The following SLC39A11 variants were observed in gnomAD, a reference collection of about 807,000 sequenced individuals.
SLC39A11 encodes solute carrier family 39 member 11.
A neutral mutation model predicts 36.1 loss-of-function variants in SLC39A11; 33 were observed. The ratio of observed to expected loss-of-function variants is 0.91; its 90% CI spans 0.69 to 1.22. The LOEUF is 1.22. Among genes scored for constraint, SLC39A11 ranks in the 50% most tolerant of loss-of-function variants. The pLI is 0.00. For synonymous variants in SLC39A11, 166 were observed against 170.3 expected, an observed-to-expected ratio of 0.97 and a Z score of 0.20; for missense variants, 432 against 430.3, an observed-to-expected ratio of 1.00 and a Z score of -0.03.
intron 5 of SLC39A11, among the ~76,000 whole-genome samples, chr17:72,858,636 T>G (rs554959234): frequency 3.3e-5 from 5 of 152,346 alleles, no homozygotes; most frequent in Non-Finnish European, 7.4e-5. Flanking sequence ...CATTTGTTTG[T>G]ATCATCTCTG....
intron 7 of SLC39A11, among the ~76,000 whole-genome samples, chr17:72,715,187 C>T (rs2073299433): frequency 6.6e-6 from 1 of 152,306 alleles, no homozygotes; most frequent in East Asian, 1.9e-4. Context: ...CCAGGAAGTA[C>T]CCCTCTGCCC....
intron 7 of SLC39A11, among the ~76,000 whole-genome samples, chr17:72,678,191 C>T (rs1311127824): frequency 2.0e-5 from 3 of 152,198 alleles, no homozygotes; most frequent in Non-Finnish European, 4.4e-5. Context: ...CTCACAAAAG[C>T]CCATTTAACT....
intron 7 of SLC39A11, among the ~76,000 whole-genome samples, chr17:72,650,997 G>GT (rs148289074): frequency 1.3e-4 from 19 of 151,846 alleles, no homozygotes; most frequent in African/African-American, 2.4e-4. Context: ...CCTTTACCCT[G>GT]TTTTTTTTAC....
chr17:73,073,310 A>C (rs557536274), intron 3 of SLC39A11, among the ~76,000 whole-genome samples: 1 of 152,356 alleles, frequency 6.6e-6, no homozygotes, highest in South Asian at 2.1e-4. Flanking sequence ...GTCAGAAGGC[A>C]GTGGGTGCCC....
chr17:72,980,332 A>G (rs758108438), intron 4 of SLC39A11, among the ~76,000 whole-genome samples: 7 of 152,212 alleles, frequency 4.6e-5, no homozygotes, highest in Non-Finnish European at 1.0e-4. Flanking sequence ...ATACCCAGGA[A>G]TACATTCAAC....
In SLC39A11 at chr17:72,701,131, G is replaced by A. The variant is rs533505850; in HGVS notation, c.671+35519C>T. Among the ~76,000 whole-genome samples, 6 of 152,356 alleles carry A rather than the reference G, an allele frequency of 3.9e-5. No homozygotes were observed. In the South Asian group the frequency reaches 1.2e-3, roughly 32 times the overall value. On this transcript the variant is annotated intron_variant, in intron 7 of 9. Transcript: ENST00000255559. ...CCCAGTGGCAGAGCTGGGAAACTTT[G>A]GAAGAACTGGTCTCATTTTGCAGTT...
At chr17:72,753,901 A>AC (rs1339452831) in intron 6 of SLC39A11, among the ~76,000 whole-genome samples, 2 of 149,562 alleles carry the variant, frequency 1.3e-5, no homozygotes, top group Admixed American at 6.6e-5. Flanking sequence ...AAAAAAAAAA[A>AC]AAAAAAAAAA....
intron 6 of SLC39A11, among the ~76,000 whole-genome samples, chr17:72,804,420 A>G (rs1005424034): frequency 1.3e-5 from 2 of 152,226 alleles, no homozygotes; most frequent in African/African-American, 4.8e-5. Flanking sequence ...TCCCCACCCA[A>G]GTAGAGAGTA....
chr17:72,759,221 T>A (rs780988079), intron 6 of SLC39A11, among the ~76,000 whole-genome samples: 5 of 151,940 alleles, frequency 3.3e-5, no homozygotes, highest in Non-Finnish European at 7.4e-5. Flanking sequence ...GATGATAGAC[T>A]ATATAAACCA....
chr17:73,035,023 G>A (rs566981540), intron 3 of SLC39A11, among the ~76,000 whole-genome samples: 87 of 152,204 alleles, frequency 5.7e-4, no homozygotes, highest in Non-Finnish European at 1.1e-3. Context: ...TTTTCCTTGT[G>A]AGCCTCCCTG....
intron 7 of SLC39A11, among the ~76,000 whole-genome samples, chr17:72,656,211 G>A (rs970269852): frequency 6.6e-5 from 10 of 152,188 alleles, no homozygotes; most frequent in African/African-American, 2.4e-4. Context: ...TCTGAAGACA[G>A]TGAAGCTGCT....
At chr17:72,855,646 C>G (rs1222702983) in intron 5 of SLC39A11, among the ~76,000 whole-genome samples, 4 of 152,198 alleles carry the variant, frequency 2.6e-5, no homozygotes, top group Non-Finnish European at 5.9e-5. Flanking sequence ...CCTGTAATCA[C>G]AGCACTTTGG....
chr17:73,064,856 T>A (rs2059951911), intron 3 of SLC39A11, among the ~76,000 whole-genome samples: 1 of 152,098 alleles, frequency 6.6e-6, no homozygotes, highest in South Asian at 2.1e-4. Context: ...CTGGTCTCCG[T>A]GCTTCTCTTC....
intron 5 of SLC39A11, among the ~76,000 whole-genome samples, chr17:72,873,889 T>TG (rs569921125): frequency 8.4e-4 from 128 of 152,256 alleles, no homozygotes; most frequent in Admixed American, 2.4e-3. Flanking sequence ...GTTTCCCCCA[T>TG]GCTATTCTCG....
chr17:73,056,174 T>G (rs1326985810), intron 3 of SLC39A11, among the ~76,000 whole-genome samples: 3 of 145,040 alleles, frequency 2.1e-5, no homozygotes, highest in Non-Finnish European at 4.6e-5. Flanking sequence ...TTTTTGTTTG[T>G]TTGTTTTTTT....
At chr17:73,030,448 G>A (rs894543093) in intron 4 of SLC39A11, among the ~76,000 whole-genome samples, 1 of 152,118 alleles carries the variant, frequency 6.6e-6, no homozygotes, top group African/African-American at 2.4e-5. Flanking sequence ...TTCTCCACTT[G>A]GGAAGTTAAG....
Position 73,038,044 on chromosome 17 carries a change from G to A in SLC39A11, c.148-6330C>T, listed in dbSNP as rs28572412. 5.3e-3 allele frequency among the ~76,000 whole-genome samples: 803 copies of A among 152,220 alleles called. 5 individuals carry two copies. Among genetic ancestry groups the A allele is most frequent in the African/African-American group, 0.018 (736 of 41,538 alleles). On this transcript the variant is annotated intron_variant, in intron 3 of 9. Transcript: ENST00000255559. ...TCATGACCAGCCTGGCCAACATGGC[G>A]AAACCCCGTCTCTACTAAAAAACAC... is the stretch of plus-strand genomic sequence containing the variant.
chr17:72,815,060 A>C (rs1246931618), intron 6 of SLC39A11, among the ~76,000 whole-genome samples: 2 of 152,226 alleles, frequency 1.3e-5, no homozygotes, highest in African/African-American at 4.8e-5. Context: ...CAGGCTGCCA[A>C]GGCTAAAGCA....
chr17:72,834,350 G>A (rs999794348), intron 6 of SLC39A11, among the ~76,000 whole-genome samples: 4 of 152,202 alleles, frequency 2.6e-5, no homozygotes, highest in East Asian at 1.9e-4. Context: ...GGCTGGGCAC[G>A]GTGGCTCACG....
Sources: allele counts gnomAD v4.1 joint callset (sites outside exome capture counted in the v4.1 genomes callset), GRCh38; gene constraint gnomAD v4.1.1; transcripts MANE v1.5; gene names NCBI Gene and HGNC (gene_info 2026-07-23, HGNC 2026-07-21).